Variants in STARD13 observed in about 807,000 individuals in gnomAD.
STARD13 encodes StAR related lipid transfer domain containing 13.
Under a neutral mutation model 106.4 loss-of-function variants are expected in STARD13, and 62 were observed. The observed-to-expected ratio is 0.58, with a 90% CI of 0.48 to 0.72. The LOEUF (loss-of-function observed/expected upper bound fraction) is 0.72, where lower values mean the gene tolerates loss of function less well. Among genes scored for constraint, STARD13 ranks in the 30% least tolerant of loss-of-function variants. STARD13 has a pLI of 0.00. For synonymous variants in STARD13, 565 were observed against 553.0 expected (o/e 1.02, Z -0.31); for missense variants, 1,387 against 1,424.0 (o/e 0.97, Z 0.42).
At chr13:33,308,969 G>A (rs535990092) in intron 1 of STARD13, among the ~76,000 whole-genome samples, 9 of 152,330 alleles carry the variant, frequency 5.9e-5, no homozygotes, top group African/African-American at 1.7e-4. Flanking sequence ...GTCAGCAAGA[G>A]CCCCAGTGAA....
chr13:33,368,972 C>G, the STARD13 span, among the ~76,000 whole-genome samples: 3 of 152,138 alleles, frequency 2.0e-5, no homozygotes, highest in Non-Finnish European at 4.4e-5. Flanking sequence ...TAGCTTGGAG[C>G]CCAGGTGAGC....
chr13:33,445,464 A>G, the STARD13 span, among the ~76,000 whole-genome samples: 1 of 152,208 alleles, frequency 6.6e-6, no homozygotes. Context: ...AGACAAGTAT[A>G]TGGGATATAT....
chr13:33,493,396 C>T, the STARD13 span, among the ~76,000 whole-genome samples: 1 of 152,134 alleles, frequency 6.6e-6, no homozygotes, highest in Non-Finnish European at 1.5e-5. Flanking sequence ...TTGTCCAAAC[C>T]GGTAGAACTA....
At chr13:33,651,409 T>C in the STARD13 span, among the ~76,000 whole-genome samples, 120,533 of 152,154 alleles carry the variant, frequency 0.79, 48,229 homozygotes, top group African/African-American at 0.9. Flanking sequence ...TAAACTAGCG[T>C]GATCATCATT....
At chr13:33,305,295 G>A (rs972010020) in intron 1 of STARD13, among the ~76,000 whole-genome samples, 6 of 152,170 alleles carry the variant, frequency 3.9e-5, no homozygotes, top group African/African-American at 1.4e-4. Flanking sequence ...CTAAGCACAC[G>A]AAGAACTGAC....
At chr13:33,137,397 C>T (rs1879201047) in intron 4 of STARD13, among the ~76,000 whole-genome samples, 1 of 152,200 alleles carries the variant, frequency 6.6e-6, no homozygotes, top group Admixed American at 6.5e-5. Flanking sequence ...AGCTATTGAT[C>T]CAATAAAACT....
chr13:33,360,201 A>G, the STARD13 span, among the ~76,000 whole-genome samples: 1 of 142,606 alleles, frequency 7.0e-6, no homozygotes, highest in Non-Finnish European at 1.6e-5. Flanking sequence ...GTTCAAAGGC[A>G]GTCGATTTTT....
At chr13:33,106,678 G>T in intron 13 of STARD13, 80 bp downstream of exon 13, 1 of 1,301,020 alleles carries the variant, frequency 7.7e-7, no homozygotes, top group Non-Finnish European at 1.0e-6. Context: ...TAAGAAATCA[G>T]GGTGACATCC....
chr13:33,650,780 C>G, the STARD13 span, among the ~76,000 whole-genome samples: 1 of 152,184 alleles, frequency 6.6e-6, no homozygotes, highest in Non-Finnish European at 1.5e-5. Context: ...AGGGCTCTGC[C>G]CCTGTGAATG....
At chr13:33,452,778 G>T in the STARD13 span, among the ~76,000 whole-genome samples, 1 of 152,182 alleles carries the variant, frequency 6.6e-6, no homozygotes, top group African/African-American at 2.4e-5. Context: ...GGCCTAGACT[G>T]GGCACCTGAT....
chr13:33,442,294 A>C, the STARD13 span, among the ~76,000 whole-genome samples: 5 of 152,354 alleles, frequency 3.3e-5, no homozygotes, highest in Admixed American at 3.3e-4. Flanking sequence ...AAAACACAGA[A>C]GTATGCTTTC....
the STARD13 span, among the ~76,000 whole-genome samples, chr13:33,443,347 A>G: frequency 3.3e-5 from 5 of 151,260 alleles, no homozygotes; most frequent in South Asian, 1.0e-3. Context: ...ACTGCACTCT[A>G]GCCTGGGCAA....
the STARD13 span, among the ~76,000 whole-genome samples, chr13:33,665,401 A>G: frequency 2.6e-5 from 4 of 152,242 alleles, no homozygotes; most frequent in Non-Finnish European, 5.9e-5. Flanking sequence ...GAACATAAGA[A>G]AAAACAATAC....
At chr13:33,230,616 A>C (rs1226075787) in intron 1 of STARD13, among the ~76,000 whole-genome samples, 1 of 152,240 alleles carries the variant, frequency 6.6e-6, no homozygotes. Flanking sequence ...TTTCTGATGC[A>C]CAAGAATTCT....
At position 33,331,351 on chromosome 13, in the gene STARD13, C is replaced by CTTGTTTTGTT. The variant is rs55981152; in HGVS notation, c.124+18929_124+18938dup. On this transcript the variant is annotated intron_variant, in intron 1 of 5. Transcript: ENST00000567873. Reference sequence around the variant, plus strand: ...CTCCCTACATCTTCATTCTTGTTTTCTTGTTTTGTTTTGTTTTGAGGTGGG... The same window carrying CTTGTTTTGTT: ...CTCCCTACATCTTCATTCTTGTTTTCTTGTTTTGTTTTGTTTTGTTTTGTTTTGAGGTGGG... Among the ~76,000 whole-genome samples, 29 of 150,836 alleles carry CTTGTTTTGTT rather than the reference C, an allele frequency of 1.9e-4. No individual in the cohort carries two copies. In the East Asian group the frequency reaches 3.3e-3, roughly 17 times the overall value.
At chr13:33,385,438 C>A in the STARD13 span, among the ~76,000 whole-genome samples, 1 of 118,668 alleles carries the variant, frequency 8.4e-6, no homozygotes, top group Admixed American at 9.9e-5. Context: ...GAACTGGTAA[C>A]TGAGTAAAAG....
chr13:33,463,625 A>C, the STARD13 span, among the ~76,000 whole-genome samples: 1 of 152,140 alleles, frequency 6.6e-6, no homozygotes, highest in Non-Finnish European at 1.5e-5. Context: ...GCTATATAGA[A>C]CTCACTAGGG....
intron 1 of STARD13, among the ~76,000 whole-genome samples, chr13:33,326,602 T>C (rs1272109602): frequency 1.3e-5 from 2 of 152,156 alleles, no homozygotes; most frequent in Non-Finnish European, 2.9e-5. Flanking sequence ...TTCCCTGAAA[T>C]GGTTCTTAAA....
chr13:33,597,829 G>A, the STARD13 span, among the ~76,000 whole-genome samples: 1 of 151,888 alleles, frequency 6.6e-6, no homozygotes, highest in Non-Finnish European at 1.5e-5. Context: ...ACTCCAGTCT[G>A]GGCAACAAGA....
Sources: allele counts gnomAD v4.1 joint callset (sites outside exome capture counted in the v4.1 genomes callset), GRCh38; gene constraint gnomAD v4.1.1; transcripts MANE v1.5; gene names NCBI Gene and HGNC (gene_info 2026-07-23, HGNC 2026-07-21).